The following SCRG1 variants were observed in gnomAD, a reference collection of about 807,000 sequenced individuals.
SCRG1 encodes the protein stimulator of chondrogenesis 1.
Under a neutral mutation model 7.7 loss-of-function variants are expected in SCRG1, and 3 were observed. The observed-to-expected ratio is 0.39, with a 90% CI of 0.18 to 1.01. SCRG1 has a LOEUF of 1.01. SCRG1 is among the 50% of genes least tolerant of loss of function. SCRG1 has a pLI of 0.36. For synonymous variants in SCRG1, 46 were observed against 41.2 expected, an observed-to-expected ratio of 1.12 and a Z score of -0.44; for missense variants, 110 against 117.2, an observed-to-expected ratio of 0.94 and a Z score of 0.28.
At chr4:173,437,367 A>AT in the SCRG1 span, among the ~76,000 whole-genome samples, 2 of 152,240 alleles carry the variant, frequency 1.3e-5, no homozygotes. Context: ...AATAAAGCAC[A>AT]TACCACTTAT....
At chr4:173,493,288 TC>T in the SCRG1 span, among the ~76,000 whole-genome samples, 2 of 151,988 alleles carry the variant, frequency 1.3e-5, no homozygotes, top group Admixed American at 6.6e-5. Flanking sequence ...GTGTGGCACT[TC>T]CCCCCTCTTG....
the SCRG1 span, among the ~76,000 whole-genome samples, chr4:173,483,249 C>CATATAATATATATCATATATA: frequency 1.9e-5 from 1 of 52,246 alleles, no homozygotes; most frequent in Admixed American, 3.6e-4. Flanking sequence ...TATGATATAT[C>CATATAATATATATCATATATA]ATATATGATA....
the SCRG1 span, chr4:173,468,576 G>A: frequency 1.1e-4 from 17 of 152,180 alleles, no homozygotes; most frequent in African/African-American, 4.1e-4. Flanking sequence ...GACATGGATG[G>A]CTGCCTGTAC....
chr4:173,414,513 A>G, the SCRG1 span, among the ~76,000 whole-genome samples: 4 of 152,094 alleles, frequency 2.6e-5, no homozygotes, highest in Non-Finnish European at 1.5e-5. Context: ...CGTACAGGGG[A>G]TCCTTAAGCA....
At chr4:173,487,972 G>A in the SCRG1 span, among the ~76,000 whole-genome samples, 138 of 151,946 alleles carry the variant, frequency 9.1e-4, 1 homozygote, top group African/African-American at 3.0e-3. Flanking sequence ...GTGGTGGCAC[G>A]CACCTGTGGT....
chr4:173,422,430 A>G, the SCRG1 span, among the ~76,000 whole-genome samples: 1 of 152,222 alleles, frequency 6.6e-6, no homozygotes, highest in African/African-American at 2.4e-5. Flanking sequence ...TTAAGGATTT[A>G]TAGAGTGACT....
chr4:173,507,074 A>AG, the SCRG1 span, among the ~76,000 whole-genome samples: 6 of 152,224 alleles, frequency 3.9e-5, no homozygotes, highest in Non-Finnish European at 7.3e-5. This position sits in a 1 kb window ranked among gnomAD's most constrained non-coding sequence, Gnocchi z 4.4. Context: ...TGCCCTCTGC[A>AG]GCCTAGTGCC....
the SCRG1 span, among the ~76,000 whole-genome samples, chr4:173,485,407 C>G: frequency 1.0e-4 from 15 of 149,852 alleles, no homozygotes; most frequent in African/African-American, 3.5e-4. Flanking sequence ...AAGTACCAAA[C>G]ATGACTGAGG....
At chr4:173,454,565 A>G in the SCRG1 span, among the ~76,000 whole-genome samples, 1 of 152,214 alleles carries the variant, frequency 6.6e-6, no homozygotes, top group East Asian at 1.9e-4. Context: ...GGATTGATTT[A>G]TAGTATCATT....
the SCRG1 span, among the ~76,000 whole-genome samples, chr4:173,509,696 C>T: frequency 6.6e-6 from 1 of 152,006 alleles, no homozygotes; most frequent in African/African-American, 2.4e-5. The surrounding 1 kb of genome is among the most constrained non-coding windows in gnomAD (Gnocchi z 5.7). Context: ...CTCGGGGTGT[C>T]GGGCGGTGTC....
At chr4:173,484,483 TTA>T in the SCRG1 span, among the ~76,000 whole-genome samples, 1 of 37,790 alleles carries the variant, frequency 2.6e-5, no homozygotes, top group Non-Finnish European at 5.5e-5. Context: ...ATAATATATA[TTA>T]TATACATATA....
upstream of SCRG1, among the ~76,000 whole-genome samples, chr4:173,410,623 G>A (rs1035442915): frequency 2.6e-5 from 4 of 152,176 alleles, no homozygotes; most frequent in African/African-American, 9.7e-5. Flanking sequence ...AGGAATGGAG[G>A]CTTAAGCAAG....
At chr4:173,459,741 C>T in the SCRG1 span, among the ~76,000 whole-genome samples, 6 of 151,976 alleles carry the variant, frequency 3.9e-5, no homozygotes, top group African/African-American at 1.5e-4. Context: ...TGATGATTAC[C>T]AGAGGCTGGG....
At chr4:173,507,048 G>A in the SCRG1 span, among the ~76,000 whole-genome samples, 4 of 152,250 alleles carry the variant, frequency 2.6e-5, no homozygotes, top group Admixed American at 6.5e-5. The surrounding 1 kb of genome is among the most constrained non-coding windows in gnomAD (Gnocchi z 4.4). Context: ...GGCGGCCAGA[G>A]GAGGGGTGGG....
chr4:173,447,824 T>C, the SCRG1 span, among the ~76,000 whole-genome samples: 2 of 152,184 alleles, frequency 1.3e-5, no homozygotes, highest in Admixed American at 1.3e-4. Flanking sequence ...TAAGAACTTT[T>C]GTAGTTATTT....
chr4:173,485,171 A>C, the SCRG1 span, among the ~76,000 whole-genome samples: 5 of 23,020 alleles, frequency 2.2e-4, 1 homozygote, highest in African/African-American at 1.1e-4. Context: ...TATTATATAT[A>C]TTATATATTA....
At chr4:173,452,511 T>TA in the SCRG1 span, among the ~76,000 whole-genome samples, 2 of 152,304 alleles carry the variant, frequency 1.3e-5, no homozygotes, top group Admixed American at 1.3e-4. Flanking sequence ...TCTCAGATTT[T>TA]AAAAAATCAG....
chr4:173,458,704 TA>T, the SCRG1 span, among the ~76,000 whole-genome samples: 34 of 152,090 alleles, frequency 2.2e-4, 1 homozygote, highest in South Asian at 7.1e-3. Flanking sequence ...AAAGGATACA[TA>T]AAATAACCAG....
the SCRG1 span, among the ~76,000 whole-genome samples, chr4:173,501,200 C>T: frequency 6.6e-6 from 1 of 152,214 alleles, no homozygotes; most frequent in Non-Finnish European, 1.5e-5. The surrounding 1 kb of genome is among the most constrained non-coding windows in gnomAD (Gnocchi z 5.1). Context: ...GCGAGCCACG[C>T]GGCCCGAGCT....
Sources: gnomAD v4.1 joint callset for allele counts (sites outside exome capture counted in the v4.1 genomes callset) on GRCh38, gnomAD v4.1.1 for gene constraint, Gnocchi (gnomAD v3.1) non-coding constraint, MANE v1.5 for transcripts, NCBI Gene and HGNC (gene_info 2026-07-23, HGNC 2026-07-21) for gene names.